ASAH2: variants seen among roughly 807,000 people sequenced by gnomAD.
ASAH2 encodes the protein neutral ceramidase.
ASAH2 carries 58 observed loss-of-function variants against 82.9 expected under a neutral mutation model. The observed-to-expected ratio is 0.70, with a 90% CI of 0.57 to 0.87. ASAH2 has a LOEUF of 0.87. Ranked by LOEUF, ASAH2 falls within the 40% of genes least tolerant of loss-of-function variation. The probability of loss-of-function intolerance (pLI) is 0.00; values close to 1 mark genes in which losing one functional copy is unlikely to be tolerated. For synonymous variants in ASAH2, 276 were observed against 289.7 expected, an observed-to-expected ratio of 0.95 and a Z score of 0.48; for missense variants, 779 against 834.0, an observed-to-expected ratio of 0.93 and a Z score of 0.81.
intron 7 of ASAH2, among the ~76,000 whole-genome samples, chr10:50,226,709 A>T (rs994229039): frequency 7.7e-4 from 117 of 152,178 alleles, no homozygotes; most frequent in African/African-American, 2.8e-3. Context: ...GCTTTTAAAA[A>T]TATAGTTTAT....
chr10:50,195,742 A>G (rs1338145139), intron 18 of ASAH2, among the ~76,000 whole-genome samples: 5 of 151,858 alleles, frequency 3.3e-5, no homozygotes, highest in Admixed American at 6.6e-5. Flanking sequence ...TACATTTGAT[A>G]CAACATGGAT....
In ASAH2 at chr10:50,251,484, G is replaced by C. The variant is rs1345081312; in HGVS notation, c.-126C>G. On this transcript the variant is annotated 5_prime_UTR_variant, in exon 1 of 21. Coordinates refer to ENST00000682911, the MANE Select transcript of ASAH2 (RefSeq NM_019893.4). ...CCCCTTTCCCCTTGCACGTTGCTGG[G>C]CTTACACCTCTCAGCACTTTCTGAA... 2.6e-5 allele frequency among the ~76,000 whole-genome samples: 4 copies of C among 152,104 alleles called. No homozygotes were observed. The highest frequency in any genetic ancestry group is 2.6e-4 in the Admixed American group (4 of 15,264).
intron 7 of ASAH2, among the ~76,000 whole-genome samples, chr10:50,226,245 ACT>A (rs1845882282): frequency 6.6e-6 from 1 of 152,238 alleles, no homozygotes; most frequent in African/African-American, 2.4e-5. Context: ...AAAAATACTA[ACT>A]GGCATTGAAA....
chr10:50,235,074 A>G, intron 5 of ASAH2, among the ~76,000 whole-genome samples: 1 of 152,164 alleles, frequency 6.6e-6, no homozygotes, highest in Non-Finnish European at 1.5e-5. Context: ...AAAGCAAACT[A>G]TACCCTGACT....
At chr10:50,248,124 G>T (rs1363154202) in intron 2 of ASAH2, among the ~76,000 whole-genome samples, 2 of 152,104 alleles carry the variant, frequency 1.3e-5, no homozygotes, top group South Asian at 4.1e-4. Flanking sequence ...TTCTCCTTTT[G>T]CCCCCAGGAG....
intron 13 of ASAH2, 109 bp downstream of exon 13, chr10:50,205,873 C>A: frequency 1.1e-6 from 1 of 939,910 alleles, no homozygotes; most frequent in South Asian, 1.3e-5. Flanking sequence ...ATGGGAATAT[C>A]TAAATAAGAC....
chr10:50,186,986 G>C lies in ASAH2; in HGVS notation c.*329C>G, dbSNP rs1844760559. On this transcript the variant is annotated 3_prime_UTR_variant, in exon 21 of 21. Coordinates refer to ENST00000682911, the MANE Select transcript of ASAH2 (RefSeq NM_019893.4). ...TATTTCAGAGGTTTTATATTGAAGG[G>C]ACTCTCCTTTAAACAACCCCAAGAC... is the stretch of plus-strand genomic sequence containing the variant. 1 of 202,002 alleles carries C rather than the reference G, an allele frequency of 5.0e-6. No individual in the cohort carries two copies. Among genetic ancestry groups the C allele is most frequent in the Non-Finnish European group, 9.7e-6 (1 of 103,322 alleles). 12.5% of individuals were successfully genotyped at this position (202,002 alleles called of 1,614,324 possible).
chr10:50,195,212 C>A (rs1214595249), intron 18 of ASAH2, among the ~76,000 whole-genome samples: 2 of 151,338 alleles, frequency 1.3e-5, no homozygotes, highest in African/African-American at 2.4e-5. Context: ...AACAAATGAC[C>A]CAACTTGAAA....
intron 12 of ASAH2, among the ~76,000 whole-genome samples, chr10:50,209,926 ACACTG>A (rs1845406687): frequency 1.3e-5 from 2 of 152,156 alleles, no homozygotes; most frequent in Non-Finnish European, 2.9e-5. Context: ...AGAAAACTAT[ACACTG>A]CCTGTGGAAA....
chr10:50,210,220 G>T (rs943144322), intron 12 of ASAH2, among the ~76,000 whole-genome samples: 1 of 152,062 alleles, frequency 6.6e-6, no homozygotes, highest in Admixed American at 6.6e-5. Context: ...AAAGAATGAG[G>T]CTGGGAGCAG....
chr10:50,235,676 A>G (rs1846141400), intron 5 of ASAH2, among the ~76,000 whole-genome samples: 1 of 152,136 alleles, frequency 6.6e-6, no homozygotes. Context: ...GTCCCATAGA[A>G]GCCTTCTTTT....
At chr10:50,204,824 A>G in intron 14 of ASAH2, 37 bp downstream of exon 14, 1 of 1,442,126 alleles carries the variant, frequency 6.9e-7, no homozygotes, top group South Asian at 1.2e-5. Flanking sequence ...CATACAACAA[A>G]CACATTTTTA....
intron 7 of ASAH2, among the ~76,000 whole-genome samples, chr10:50,224,812 G>A (rs1241184979): frequency 6.6e-6 from 1 of 152,184 alleles, no homozygotes; most frequent in Non-Finnish European, 1.5e-5. Flanking sequence ...TGGAGAAGAA[G>A]AGGAAAGGGT....
chr10:50,211,917 GC>G (rs1458313449), intron 10 of ASAH2, among the ~76,000 whole-genome samples: 1 of 152,168 alleles, frequency 6.6e-6, no homozygotes, highest in Non-Finnish European at 1.5e-5. Flanking sequence ...AGAAGAGAAT[GC>G]AGAATGTGGG....
At position 50,203,648 on chromosome 10, in the gene ASAH2, C is replaced by G; in HGVS notation, c.1657G>C (p.Val553Leu). The G allele has an allele frequency of 1.9e-6, 3 of 1,612,372 alleles. No homozygotes were observed. Among genetic ancestry groups the G allele is most frequent in the South Asian group, 1.1e-5 (1 of 91,044 alleles). Residue 553 changes from valine to leucine, a missense_variant, in exon 15 of 21, where the codon GTT (valine) becomes CTT (leucine). By Grantham distance (32) the Val-to-Leu change is conservative. Transcript: ENST00000682911. ...TMSGRRLREA[V>L]QAEFASHGMQ... ...TTTTATTTTTAACTTACTGCTTGAA[C>G]TGCCTCTCGAAGTCTTCGTCCAGAC...
chr10:50,230,255 T>C (rs1218431985), intron 7 of ASAH2, among the ~76,000 whole-genome samples: 2 of 152,132 alleles, frequency 1.3e-5, no homozygotes, highest in East Asian at 1.9e-4. Flanking sequence ...AACTCAAATA[T>C]GGTTTTCATT....
chr10:50,243,230 C>G lies in ASAH2; in HGVS notation c.482G>C (p.Gly161Ala). Residue 161 changes from glycine to alanine, a missense_variant, in exon 4 of 21, where the codon GGC becomes GCC. Physicochemically the swap from Gly to Ala is moderately conservative, Grantham distance 60. Transcript: ENST00000682911. ...NRTVFVSIDI[G>A]MVSQRLRLEV... ...CAGCCTGAGCCTTTGTGATACCATG[C>G]CTATGTCGATGCTGACAAACACTGT... 1.2e-6 allele frequency: 2 copies of G among 1,614,058 alleles called. No individual in the cohort carries two copies. The highest frequency in any genetic ancestry group is 2.2e-5 in the South Asian group (2 of 91,056).
intron 9 of ASAH2, among the ~76,000 whole-genome samples, chr10:50,213,273 T>C (rs915513798): frequency 2.0e-5 from 3 of 152,218 alleles, no homozygotes; most frequent in Non-Finnish European, 4.4e-5. Context: ...GGAGCCTTTC[T>C]TTTAAAAATA....
Position 50,214,846 on chromosome 10 carries a change from G to A in ASAH2, c.1037C>T (p.Ala346Val). 6.2e-7 allele frequency: 1 copy of A among 1,613,692 alleles called. No homozygotes were observed. Among genetic ancestry groups the A allele is most frequent in the Non-Finnish European group, 8.5e-7 (1 of 1,179,660 alleles). ...GGACACATCTCCTAGGTTTGATGAA[G>A]CAAAGGCTGCTACAAATGGCCCCTG... ...PGQGPFVAAFASSNLGDVSPN... is the reference protein window; with the variant it reads ...PGQGPFVAAFVSSNLGDVSPN... Residue 346 changes from alanine to valine, a missense_variant, in exon 9 of 21, where the codon GCT (alanine) becomes GTT (valine). This residue lies in a region of ASAH2 where 759 missense variants were observed against 755.2 expected (regional missense o/e 1.00). Transcript: ENST00000682911.
Sources: allele counts gnomAD v4.1 joint callset (sites outside exome capture counted in the v4.1 genomes callset), GRCh38; gene constraint gnomAD v4.1.1; regional missense constraint gnomAD v4.1.1; transcripts MANE v1.5; gene names NCBI Gene and HGNC (gene_info 2026-07-23, HGNC 2026-07-21).